Variants in DSG4 observed in about 807,000 individuals in gnomAD.
DSG4 encodes desmoglein-4.
DSG4 carries 87 observed loss-of-function variants against 93.1 expected under a neutral mutation model. The observed-to-expected ratio is 0.93, with a 90% CI of 0.79 to 1.12. The LOEUF (loss-of-function observed/expected upper bound fraction) is 1.12. Ranked by LOEUF, DSG4 falls within the 50% of genes most tolerant of loss-of-function variation. The pLI, the probability that DSG4 is intolerant of heterozygous loss-of-function variation, is 0.00. For missense variants in DSG4, 1,373 were observed against 1,285.7 expected (o/e 1.07, Z -1.04); for synonymous variants, 432 against 452.9 (o/e 0.95, Z 0.59).
intron 9 of DSG4, 125 bp downstream of exon 9, chr18:31,399,668 A>G: frequency 2.4e-6 from 3 of 1,268,376 alleles, no homozygotes; most frequent in Non-Finnish European, 3.4e-6. Flanking sequence ...CCTTTGATTT[A>G]AAAGACTATT....
chr18:31,400,960 G>C lies in DSG4; in HGVS notation c.1357G>C (p.Asp453His), dbSNP rs1414420221. The C allele has an allele frequency of 1.9e-6, 3 of 1,611,908 alleles. No homozygotes were observed. The highest frequency in any genetic ancestry group is 1.7e-6 in the Non-Finnish European group (2 of 1,178,706). Reference sequence around the variant, plus strand: ...TGAGATACAATTTTCTAGAGAATTTGATAAGAAGTCAAAATATATTATCAA... The same window carrying C: ...TGAGATACAATTTTCTAGAGAATTTCATAAGAAGTCAAAATATATTATCAA... ...TGEIQFSREF[D>H]KKSKYIINGI... The change falls in exon 10 of 16, where the codon GAT becomes CAT. Residue 453 changes from aspartate (D) to histidine (H), a missense_variant. Physicochemically the swap from Asp to His is moderately conservative, Grantham distance 81 (BLOSUM62 -1). Transcript: ENST00000308128.
chr18:31,403,512 G>A lies in DSG4; in HGVS notation c.1514G>A (p.Cys505Tyr), dbSNP rs546952647. 40 of 1,613,994 alleles carry A rather than the reference G, an allele frequency of 2.5e-5. No individual in the cohort carries two copies. Among genetic ancestry groups the A allele is most frequent in the Admixed American group, 3.3e-5 (2 of 60,000 alleles). The change falls in exon 11 of 16, where the codon TGC becomes TAC. Residue 505 changes from cysteine to tyrosine, a missense_variant. By Grantham distance (194) the Cys-to-Tyr change is radical. Transcript: ENST00000308128. Reference protein sequence around the residue: ...PNIFPERRTICIDSPSVLISV... With the variant: ...PNIFPERRTIYIDSPSVLISV... ...ATTTTTCCTGAAAGAAGAACCATCT[G>A]CATTGACTCTCCATCAGTCCTTATC... is the stretch of plus-strand genomic sequence containing the variant.
rs978054426 is a variant in DSG4, at chr18:31,411,181, C to G, written c.2138-50C>G. The G allele has an allele frequency of 7.4e-6, 12 of 1,614,096 alleles. No individual in the cohort carries two copies. In the Middle Eastern group the frequency reaches 1.3e-3, roughly 177 times the overall value. On this transcript the variant is annotated intron_variant, in intron 14 of 15. Coordinates refer to ENST00000308128, the MANE Select transcript of DSG4 (RefSeq NM_177986.5). ...GCGGCGGCAGCGTTTTAGGCAGATG[C>G]GCGCTGCAGGCAACTCCAGCGCTGT...
rs750850690 is a variant in DSG4, at chr18:31,406,369, GA to G, written c.1930del (p.Ile644PhefsTer34). The G allele has an allele frequency of 6.2e-7, 1 of 1,614,164 alleles. No individual in the cohort carries two copies. The highest frequency in any genetic ancestry group is 1.1e-5 in the South Asian group (1 of 91,090). ...GMMVLGILLL[I>X]LAPLLLLLCC... is the part of the protein sequence containing the mutation. Reference sequence around the variant, plus strand: ...TGATGGTTCTGGGCATCCTGCTACTGATTTGTAAGTACTCAATTAAATCCTT... The same window carrying G: ...TGATGGTTCTGGGCATCCTGCTACTGTTTGTAAGTACTCAATTAAATCCTT... On this transcript the variant is annotated frameshift_variant, in exon 12 of 16. Transcript: ENST00000308128. LOFTEE classifies it high-confidence loss of function.
chr18:31,386,431 A>G (rs541552489), intron 2 of DSG4, among the ~76,000 whole-genome samples: 6 of 152,326 alleles, frequency 3.9e-5, no homozygotes, highest in Admixed American at 3.3e-4. Flanking sequence ...ATGGCACATC[A>G]TGAGCTCCTC....
At chr18:31,377,848 C>A (rs11875880) in intron 1 of DSG4, among the ~76,000 whole-genome samples, 2 of 152,012 alleles carry the variant, frequency 1.3e-5, no homozygotes, top group Non-Finnish European at 2.9e-5. Flanking sequence ...CTTCAATCTC[C>A]CAGGAGTATC....
At chr18:31,399,153 T>C (rs2072336342) in intron 8 of DSG4, 119 bp from the exon 9 acceptor site, 29 of 1,350,734 alleles carry the variant, frequency 2.1e-5, no homozygotes, top group Non-Finnish European at 3.0e-5. Context: ...CAATTCAAAA[T>C]CTAAACAGCG....
At chr18:31,403,733 T>C in intron 11 of DSG4, 99 bp downstream of exon 11, 1 of 1,050,370 alleles carries the variant, frequency 9.5e-7, no homozygotes, top group Non-Finnish European at 1.5e-6. Flanking sequence ...TCTACTTCTG[T>C]TTCCACAGTT....
At position 31,386,768 on chromosome 18, in the gene DSG4, C is replaced by A; in HGVS notation, c.165C>A (p.Ala55=). 3 of 1,613,356 alleles carry A rather than the reference C, an allele frequency of 1.9e-6. No individual in the cohort carries two copies. Among genetic ancestry groups the A allele is most frequent in the Non-Finnish European group, 8.5e-7 (1 of 1,179,502 alleles). ...RRQKREWIKF[A]AACREGEDNS... is the part of the protein sequence containing the mutation. ...AAAAGCGGGAGTGGATCAAGTTTGC[C>A]GCAGCCTGTCGAGAAGGAGAGGACA... is the stretch of plus-strand genomic sequence containing the variant. The change falls in exon 3 of 16, where the codon GCC becomes GCA. Residue 55 remains alanine (A), a synonymous_variant. Coordinates refer to ENST00000308128, the MANE Select transcript of DSG4 (RefSeq NM_177986.5).
intron 9 of DSG4, among the ~76,000 whole-genome samples, chr18:31,400,372 G>A (rs1427745670): frequency 6.6e-6 from 1 of 152,160 alleles, no homozygotes. Flanking sequence ...GTAGAGACCA[G>A]ATCTTCTTCC....
At chr18:31,377,021 G>T in intron 1 of DSG4, 62 bp downstream of exon 1, 2 of 1,560,936 alleles carry the variant, frequency 1.3e-6, no homozygotes, top group Non-Finnish European at 1.8e-6. Flanking sequence ...TCTGTCAACT[G>T]TCGGGCTTTC....
chr18:31,381,078 A>G (rs547246305), intron 1 of DSG4, among the ~76,000 whole-genome samples: 1 of 152,310 alleles, frequency 6.6e-6, no homozygotes, highest in South Asian at 2.1e-4. Flanking sequence ...CATAGAGAAC[A>G]GTGTCTGTCA....
At chr18:31,390,244 T>G (rs1418144968) in intron 5 of DSG4, among the ~76,000 whole-genome samples, 2 of 152,144 alleles carry the variant, frequency 1.3e-5, no homozygotes, top group African/African-American at 4.8e-5. Flanking sequence ...AATACATAAT[T>G]ATAATGTTGC....
chr18:31,384,607 T>A (rs1052883285), intron 1 of DSG4, among the ~76,000 whole-genome samples: 11 of 152,218 alleles, frequency 7.2e-5, no homozygotes, highest in African/African-American at 2.7e-4. Flanking sequence ...ATTTTTCTAA[T>A]GGATGAAACT....
chr18:31,390,504 T>C (rs2072235649), intron 5 of DSG4, 152 bp from the exon 6 acceptor site: 7 of 868,964 alleles, frequency 8.1e-6, no homozygotes, highest in Admixed American at 2.1e-5. Flanking sequence ...TAATCACTGG[T>C]AGAGCTGAAA....
At chr18:31,404,054 A>G (rs1447826610) in intron 11 of DSG4, among the ~76,000 whole-genome samples, 1 of 152,170 alleles carries the variant, frequency 6.6e-6, no homozygotes, top group Admixed American at 6.5e-5. Context: ...ACATTTAAAC[A>G]TTTACTACTC....
At chr18:31,385,064 C>T in intron 1 of DSG4, 72 bp from the exon 2 acceptor site, 2 of 1,235,206 alleles carry the variant, frequency 1.6e-6, no homozygotes, top group Non-Finnish European at 2.4e-6. Context: ...AGAATATTGT[C>T]AATGTTTTTA....
rs773419927 is a variant in DSG4, at chr18:31,391,088, T to G, written c.695T>G (p.Met232Arg). 2.5e-6 allele frequency: 4 copies of G among 1,613,732 alleles called. No homozygotes were observed. The highest frequency in any genetic ancestry group is 1.1e-5 in the South Asian group (1 of 91,078). The part of the protein sequence containing the change: ...SSFLDREQHS[M>R]YNLVVRGSDR... ...TTCATCTTGATTAAGCAACACAGTATGTACAACCTGGTTGTGAGAGGCTCA... is the reference window on the plus strand; with the variant it reads ...TTCATCTTGATTAAGCAACACAGTAGGTACAACCTGGTTGTGAGAGGCTCA... The change falls in exon 7 of 16, where the codon ATG becomes AGG. Residue 232 changes from methionine to arginine, a missense_variant. Physicochemically the swap from Met to Arg is moderately conservative, Grantham distance 91. Coordinates refer to ENST00000308128, the MANE Select transcript of DSG4 (RefSeq NM_177986.5).
intron 11 of DSG4, among the ~76,000 whole-genome samples, chr18:31,405,635 G>A (rs897658652): frequency 1.3e-5 from 2 of 151,916 alleles, no homozygotes; most frequent in African/African-American, 4.8e-5. Context: ...TGTAATCCAA[G>A]CACTTTAAGA....
Sources: gnomAD v4.1 joint callset for allele counts (sites outside exome capture counted in the v4.1 genomes callset) on GRCh38, gnomAD v4.1.1 for gene constraint, MANE v1.5 for transcripts, NCBI Gene and HGNC (gene_info 2026-07-23, HGNC 2026-07-21) for gene names.